ACACA: variants seen among roughly 807,000 people sequenced by gnomAD.
ACACA encodes the protein acetyl-CoA carboxylase 1.
A neutral mutation model predicts 296.1 loss-of-function variants in ACACA; 103 were observed. The observed-to-expected ratio is 0.35, with a 90% CI of 0.30 to 0.41. The LOEUF is 0.41. Among genes scored for constraint, ACACA ranks in the 10% least tolerant of loss-of-function variants. The probability of loss-of-function intolerance (pLI) is 1.00; values close to 1 mark genes in which losing one functional copy is unlikely to be tolerated. For missense variants in ACACA, 1,554 were observed against 2,989.7 expected (o/e 0.52, Z 11.20); for synonymous variants, 953 against 1,038.6 (o/e 0.92, Z 1.58).
chr17:37,238,768 C>T (rs529971789), intron 24 of ACACA, among the ~76,000 whole-genome samples: 1 of 152,174 alleles, frequency 6.6e-6, no homozygotes, highest in East Asian at 1.9e-4. Context: ...AAGAGGCTTG[C>T]ACATTTTTTG....
Position 37,097,675 on chromosome 17 carries a change from CAG to C in ACACA, c.6720+153_6720+154del, listed in dbSNP as rs1487129339. On this transcript the variant is annotated intron_variant, in intron 53 of 55. Transcript: ENST00000616317. This position sits in a 1 kb window ranked among gnomAD's most constrained non-coding sequence, Gnocchi z 4.8. ...TTTAAGATGATAACAGTTACAGAAA[CAG>C]TGAAAATCTAAAAAATATTGAAAAT... Among the ~76,000 whole-genome samples, 1 of 152,116 alleles carries C rather than the reference CAG, an allele frequency of 6.6e-6. No homozygotes were observed. The highest frequency in any genetic ancestry group is 1.5e-5 in the Non-Finnish European group (1 of 68,008).
chr17:37,162,402 A>T (rs1039447459), intron 41 of ACACA, among the ~76,000 whole-genome samples: 8 of 152,160 alleles, frequency 5.3e-5, no homozygotes, highest in African/African-American at 1.9e-4. Context: ...ATATACTAAG[A>T]CACTGATATG....
chr17:37,086,015 ACT>A lies in ACACA; in HGVS notation c.*1299_*1300del, dbSNP rs893852731. Reference sequence around the variant, plus strand: ...TGAATAAACTAGTTGTTGAAAGTAAACTCTCTCCACCACCTGAGGAAGCCCCT... The same window carrying A: ...TGAATAAACTAGTTGTTGAAAGTAAACTCTCCACCACCTGAGGAAGCCCCT... On this transcript the variant is annotated 3_prime_UTR_variant, in exon 56 of 56. Transcript: ENST00000616317. 4 of 391,842 alleles carry A rather than the reference ACT, an allele frequency of 1.0e-5. No homozygotes were observed. The highest frequency in any genetic ancestry group is 6.2e-5 in the African/African-American group (3 of 48,548). 24.3% of individuals were successfully genotyped at this position (391,842 alleles called of 1,614,324 possible).
rs376957267 is a variant in ACACA at position 37,381,690 on chromosome 17, C to G, written c.38+24572G>C. Among the ~76,000 whole-genome samples the G allele has an allele frequency of 2.9e-5, 4 of 140,348 alleles. No individual in the cohort carries two copies. The Middle Eastern group carries it at 0.013, about 446-fold the overall frequency. 92.1% of individuals were successfully genotyped at this position (140,348 alleles called of 152,430 possible). A position where few individuals can be genotyped will look rare whatever the true frequency, so the allele number is the denominator to read the frequency against. On this transcript the variant is annotated intron_variant, in intron 1 of 55. Coordinates refer to ENST00000616317, the MANE Select transcript of ACACA (RefSeq NM_198834.3). ...TTGCCCAGGCTGGAGTGCAGTGGTG[C>G]GATCTCAGCTCACTGCAAGCTCCGC... is the stretch of plus-strand genomic sequence containing the variant.
chr17:37,127,307 G>C (rs2074837087), intron 47 of ACACA, among the ~76,000 whole-genome samples: 2 of 152,050 alleles, frequency 1.3e-5, no homozygotes, highest in Admixed American at 1.3e-4. Flanking sequence ...CAATAACAGG[G>C]ATTTGGAACT....
intron 29 of ACACA, among the ~76,000 whole-genome samples, chr17:37,211,606 A>C (rs2078750511): frequency 6.6e-6 from 1 of 152,204 alleles, no homozygotes; most frequent in Non-Finnish European, 1.5e-5. Context: ...CAGAGGACTT[A>C]ATGGGCAGAA....
chr17:37,314,727 G>A (rs555864706), intron 3 of ACACA, among the ~76,000 whole-genome samples: 6 of 136,040 alleles, frequency 4.4e-5, no homozygotes, highest in African/African-American at 1.7e-4. Context: ...AGCAACCTCC[G>A]CCTTCTGGGT....
chr17:37,366,086 C>G (rs144483705), intron 1 of ACACA, among the ~76,000 whole-genome samples: 21 of 152,306 alleles, frequency 1.4e-4, no homozygotes, highest in Non-Finnish European at 2.4e-4. Context: ...AGGATTCTGA[C>G]ATTTTATGTT....
At chr17:37,192,514 G>A (rs1344106034) in intron 36 of ACACA, among the ~76,000 whole-genome samples, 1 of 152,048 alleles carries the variant, frequency 6.6e-6, no homozygotes, top group Non-Finnish European at 1.5e-5. Context: ...TTTATAGGAT[G>A]ATATTCCTAA....
At chr17:37,322,621 A>C (rs375252040) in intron 3 of ACACA, among the ~76,000 whole-genome samples, 1 of 152,176 alleles carries the variant, frequency 6.6e-6, no homozygotes, top group Admixed American at 6.5e-5. Flanking sequence ...CCTGTGCCCA[A>C]ATAAACCCGA....
chr17:37,217,790 T>A (rs2079096171), intron 29 of ACACA, among the ~76,000 whole-genome samples: 1 of 150,138 alleles, frequency 6.7e-6, no homozygotes, highest in Non-Finnish European at 1.5e-5. Context: ...CCCAATAATT[T>A]TTGGTCTGTA....
At chr17:37,248,487 C>T (rs2080823238) in intron 17 of ACACA, 106 bp downstream of exon 17, 2 of 874,238 alleles carry the variant, frequency 2.3e-6, no homozygotes, top group South Asian at 1.4e-5. Flanking sequence ...GGTAATTTCA[C>T]TAATACCCCC....
At chr17:37,130,501 A>G (rs1170803414) in intron 45 of ACACA, among the ~76,000 whole-genome samples, 1 of 152,236 alleles carries the variant, frequency 6.6e-6, no homozygotes, top group East Asian at 1.9e-4. Flanking sequence ...CAGCACACCA[A>G]CGCGGCACAT....
intron 52 of ACACA, among the ~76,000 whole-genome samples, chr17:37,106,724 C>T (rs1225015631): frequency 6.6e-6 from 1 of 152,164 alleles, no homozygotes; most frequent in Non-Finnish European, 1.5e-5. Flanking sequence ...AATTTGCTCT[C>T]CCTATGTCTG....
intron 2 of ACACA, among the ~76,000 whole-genome samples, chr17:37,330,768 G>T (rs1289853693): frequency 6.6e-6 from 1 of 152,202 alleles, no homozygotes; most frequent in Non-Finnish European, 1.5e-5. Flanking sequence ...GCTGCTTGTT[G>T]TGATATTGAT....
chr17:37,201,944 G>A (rs905907818), intron 33 of ACACA, among the ~76,000 whole-genome samples: 2 of 151,808 alleles, frequency 1.3e-5, no homozygotes, highest in African/African-American at 4.8e-5. Flanking sequence ...AAAGATAACT[G>A]GAAAAATTAA....
intron 43 of ACACA, among the ~76,000 whole-genome samples, chr17:37,155,141 C>T (rs1252051404): frequency 6.6e-6 from 1 of 152,010 alleles, no homozygotes; most frequent in Non-Finnish European, 1.5e-5. Context: ...ATATAAATGT[C>T]CCTTAAGTGG....
intron 18 of ACACA, 114 bp from the exon 19 acceptor site, chr17:37,247,090 C>T: frequency 8.9e-7 from 1 of 1,126,880 alleles, no homozygotes. Flanking sequence ...ATTATACACA[C>T]ACACAGACAT....
chr17:37,226,796 A>G (rs192177902), intron 25 of ACACA, among the ~76,000 whole-genome samples: 6 of 152,320 alleles, frequency 3.9e-5, no homozygotes, highest in African/African-American at 1.4e-4. Context: ...GTTTTAAGAG[A>G]AAGTTTTAAA....
Sources: gnomAD v4.1 joint callset for allele counts (sites outside exome capture counted in the v4.1 genomes callset) on GRCh38, gnomAD v4.1.1 for gene constraint, Gnocchi (gnomAD v3.1) non-coding constraint, MANE v1.5 for transcripts, NCBI Gene and HGNC (gene_info 2026-07-23, HGNC 2026-07-21) for gene names.